The following GAD2 variants were observed in gnomAD, a reference collection of about 807,000 sequenced individuals.
GAD2 encodes the protein 65 kDa glutamic acid decarboxylase.
In GAD2, 22 loss-of-function variants were observed where a neutral mutation model predicts 80.1. That is an observed-to-expected ratio of 0.27 (90% CI 0.20 to 0.39). The LOEUF (loss-of-function observed/expected upper bound fraction) is 0.39. GAD2 is among the 10% of genes least tolerant of loss of function. GAD2 has a pLI of 1.00. For synonymous variants in GAD2, 274 were observed against 256.9 expected, an observed-to-expected ratio of 1.07 and a Z score of -0.64; for missense variants, 624 against 738.4, an observed-to-expected ratio of 0.85 and a Z score of 1.80.
chr10:26,301,001 CAATT>C lies in GAD2; in HGVS notation c.*43_*46del. ...AAGCTGTTCCACTTCTCTAGGTAGA[CAATT>C]AAGTTGTCACAAACTGTGTGAATGT... is the stretch of plus-strand genomic sequence containing the variant. On this transcript the variant is annotated 3_prime_UTR_variant, in exon 16 of 16. Transcript: ENST00000376261. The C allele has an allele frequency of 6.6e-7, 1 of 1,522,554 alleles. No individual in the cohort carries two copies. Among genetic ancestry groups the C allele is most frequent in the South Asian group, 1.1e-5 (1 of 88,784 alleles). The allele number at this position is 1,522,554 out of a possible 1,614,324, so 94.3% of individuals were successfully genotyped here.
intron 7 of GAD2, among the ~76,000 whole-genome samples, chr10:26,234,528 A>G (rs540270880): frequency 2.6e-5 from 4 of 152,298 alleles, no homozygotes; most frequent in Admixed American, 2.6e-4. Context: ...TATTGAATTG[A>G]AAAATCATTC....
At chr10:26,284,079 T>C (rs1300988096) in intron 12 of GAD2, among the ~76,000 whole-genome samples, 1 of 152,226 alleles carries the variant, frequency 6.6e-6, no homozygotes. Context: ...AAATGATTCC[T>C]TTATTGAGGA....
At chr10:26,247,755 G>T (rs557682613) in intron 8 of GAD2, among the ~76,000 whole-genome samples, 43 of 151,872 alleles carry the variant, frequency 2.8e-4, no homozygotes, top group African/African-American at 9.9e-4. Context: ...AATTAGCCGG[G>T]GGTGGTGATG....
At chr10:26,226,997 T>C (rs144978939) in intron 6 of GAD2, among the ~76,000 whole-genome samples, 68 of 152,334 alleles carry the variant, frequency 4.5e-4, no homozygotes, top group African/African-American at 1.5e-3. Flanking sequence ...ATGTATTTTA[T>C]TTTTTATTTT....
rs1321342208 is a variant in GAD2, at chr10:26,302,666, T to G, written c.*1705T>G. The G allele has an allele frequency of 1.3e-5, 2 of 152,166 alleles. No individual in the cohort carries two copies. The highest frequency in any genetic ancestry group is 3.9e-4 in the East Asian group (2 of 5,192). The allele number at this position is 152,166 out of a possible 1,614,324, so 9.4% of individuals were successfully genotyped here. A position where few individuals can be genotyped will look rare whatever the true frequency, so the allele number is the denominator to read the frequency against. On this transcript the variant is annotated 3_prime_UTR_variant, in exon 16 of 16. Transcript: ENST00000376261. Reference sequence around the variant, plus strand: ...GGTAGAAATGCCCTACAATATAACATAGAGAAATGCCCTATAATATAACCA... The same window carrying G: ...GGTAGAAATGCCCTACAATATAACAGAGAGAAATGCCCTATAATATAACCA...
chr10:26,218,722 C>T (rs576186371), intron 3 of GAD2, among the ~76,000 whole-genome samples: 45 of 152,220 alleles, frequency 3.0e-4, no homozygotes, highest in Non-Finnish European at 2.8e-4. Flanking sequence ...AGATGGTTTA[C>T]TGAGAAACAC....
At chr10:26,241,685 GCA>G (rs1221680883) in intron 7 of GAD2, among the ~76,000 whole-genome samples, 2 of 152,104 alleles carry the variant, frequency 1.3e-5, no homozygotes, top group Admixed American at 6.5e-5. Flanking sequence ...GCATGAGTGT[GCA>G]CACACATGTA....
intron 6 of GAD2, among the ~76,000 whole-genome samples, chr10:26,229,262 A>G (rs1844568375): frequency 6.6e-6 from 1 of 151,744 alleles, no homozygotes; most frequent in Admixed American, 6.6e-5. Context: ...ATCCAAATGC[A>G]AGGCACTGAA....
intron 11 of GAD2, among the ~76,000 whole-genome samples, chr10:26,279,959 T>A (rs1033898598): frequency 1.3e-5 from 2 of 152,204 alleles, no homozygotes; most frequent in African/African-American, 4.8e-5. Flanking sequence ...AAGATCGAGT[T>A]AAGCAGTGGA....
At chr10:26,238,649 C>T (rs917491411) in intron 7 of GAD2, among the ~76,000 whole-genome samples, 14 of 152,214 alleles carry the variant, frequency 9.2e-5, no homozygotes, top group Non-Finnish European at 8.8e-5. Flanking sequence ...TGTACAGATC[C>T]ACATCACCTG....
chr10:26,261,780 C>T (rs1845011601), intron 8 of GAD2, among the ~76,000 whole-genome samples: 1 of 152,072 alleles, frequency 6.6e-6, no homozygotes, highest in Non-Finnish European at 1.5e-5. Flanking sequence ...CTCTTCTCTT[C>T]CTCCTTCTCC....
At chr10:26,258,771 G>A (rs1469278555) in intron 8 of GAD2, among the ~76,000 whole-genome samples, 2 of 106,896 alleles carry the variant, frequency 1.9e-5, no homozygotes, top group Non-Finnish European at 4.2e-5. Flanking sequence ...TTGTTTATCC[G>A]TTCATCCATT....
chr10:26,288,341 C>T (rs563180448), intron 13 of GAD2, among the ~76,000 whole-genome samples: 90 of 152,322 alleles, frequency 5.9e-4, no homozygotes, highest in Admixed American at 2.8e-3. Flanking sequence ...TAGGCAGCTA[C>T]AAGAAGCTAA....
chr10:26,217,465 T>A lies in GAD2; in HGVS notation c.77-145T>A. 1 of 798,188 alleles carries A rather than the reference T, an allele frequency of 1.3e-6. No individual in the cohort carries two copies. The highest frequency in any genetic ancestry group is 2.1e-6 in the Non-Finnish European group (1 of 478,294). The allele number at this position is 798,188 out of a possible 1,614,324, so 49.4% of individuals were successfully genotyped here. A position where few individuals can be genotyped will look rare whatever the true frequency, so the allele number is the denominator to read the frequency against. ...CGCTTGCCTTCTGCACCTGCCGGCC[T>A]CACCGAGTCCTGAGCGGCCCCCAGG... is the stretch of plus-strand genomic sequence containing the variant. On this transcript the variant is annotated intron_variant, in intron 1 of 15. Coordinates refer to ENST00000376261, the MANE Select transcript of GAD2 (RefSeq NM_001134366.2). This position sits in a 1 kb window ranked among gnomAD's most constrained non-coding sequence, Gnocchi z 4.9.
At chr10:26,275,188 C>G (rs1030458439) in intron 11 of GAD2, among the ~76,000 whole-genome samples, 5 of 152,220 alleles carry the variant, frequency 3.3e-5, no homozygotes, top group African/African-American at 1.2e-4. Flanking sequence ...CTCACATGAT[C>G]AGAACAATAA....
In GAD2 at chr10:26,217,362, C is replaced by G. The variant is rs935652023; in HGVS notation, c.77-248C>G. Among the ~76,000 whole-genome samples, 1 of 152,152 alleles carries G rather than the reference C, an allele frequency of 6.6e-6. No individual in the cohort carries two copies. Among genetic ancestry groups the G allele is most frequent in the Non-Finnish European group, 1.5e-5 (1 of 68,018 alleles). ...AGGAATTTGCCTGAGCCGATTGGCA[C>G]CTGGAAGGGCAGCGGTGTGGGCTTC... is the stretch of plus-strand genomic sequence containing the variant. On this transcript the variant is annotated intron_variant, in intron 1 of 15. Coordinates refer to ENST00000376261, the MANE Select transcript of GAD2 (RefSeq NM_001134366.2). This position sits in a 1 kb window ranked among gnomAD's most constrained non-coding sequence, Gnocchi z 4.9.
At chr10:26,275,395 C>T (rs1186724178) in intron 11 of GAD2, among the ~76,000 whole-genome samples, 1 of 152,212 alleles carries the variant, frequency 6.6e-6, no homozygotes, top group Admixed American at 6.5e-5. Flanking sequence ...AACACCCACA[C>T]GATTCTGTAC....
At chr10:26,218,245 T>C (rs1844406638) in intron 3 of GAD2, 1 of 392,046 alleles carries the variant, frequency 2.6e-6, no homozygotes, top group African/African-American at 2.1e-5. Flanking sequence ...GCCCTTGGGA[T>C]GGCGGGTGGC....
intron 7 of GAD2, among the ~76,000 whole-genome samples, chr10:26,243,623 G>C (rs995494216): frequency 3.9e-5 from 6 of 152,228 alleles, no homozygotes; most frequent in Non-Finnish European, 7.3e-5. Context: ...AAGGCACAAA[G>C]ACTTTGGCGG....
Sources: allele counts gnomAD v4.1 joint callset (sites outside exome capture counted in the v4.1 genomes callset), GRCh38; gene constraint gnomAD v4.1.1; non-coding constraint Gnocchi (gnomAD v3.1); transcripts MANE v1.5; gene names NCBI Gene and HGNC (gene_info 2026-07-23, HGNC 2026-07-21).